Variants in AFF2 observed in about 807,000 individuals in gnomAD.
AFF2 encodes the protein ALF transcription elongation factor 2, also known as AF4/FMR2 family member 2.
In AFF2, 14 loss-of-function variants were observed where a neutral mutation model predicts 76.9. The observed-to-expected ratio is 0.18, with a 90% confidence interval of 0.12 to 0.28. The LOEUF (loss-of-function observed/expected upper bound fraction) is 0.28, where lower values mean the gene tolerates loss of function less well. Among genes scored for constraint, AFF2 ranks in the 10% least tolerant of loss-of-function variants. The probability of loss-of-function intolerance (pLI) is 1.00; values close to 1 mark genes in which losing one functional copy is unlikely to be tolerated. For missense variants in AFF2, 868 were observed against 1,001.1 expected (o/e 0.87, Z 1.79); for synonymous variants, 398 against 366.7 (o/e 1.09, Z -0.98).
intron 9 of AFF2, among the ~76,000 whole-genome samples, chrX:148,913,472 C>T (rs1557282189): frequency 8.9e-6 from 1 of 111,938 alleles, no homozygotes; most frequent in African/African-American, 3.2e-5. Context: ...TTCAAAACTT[C>T]AAACACGTTA....
intron 3 of AFF2, among the ~76,000 whole-genome samples, chrX:148,760,180 G>A (rs2069423298): frequency 8.9e-6 from 1 of 111,737 alleles, no homozygotes; most frequent in African/African-American, 3.3e-5. Flanking sequence ...CATCAGATTG[G>A]AAAAATAATT....
chrX:148,865,052 A>C (rs1414079638), intron 7 of AFF2, among the ~76,000 whole-genome samples: 1 of 112,392 alleles, frequency 8.9e-6, no homozygotes, highest in Non-Finnish European at 1.9e-5. Flanking sequence ...AAGACTCATG[A>C]CATTTCACTG....
chrX:148,966,419 T>A (rs7052654), intron 13 of AFF2, among the ~76,000 whole-genome samples: 2 of 109,083 alleles, frequency 1.8e-5, no homozygotes, highest in African/African-American at 3.3e-5. Context: ...TCTCCCTCTC[T>A]TTGTCCATGC....
chrX:148,628,306 A>C (rs1200457405), intron 1 of AFF2, among the ~76,000 whole-genome samples: 1 of 111,334 alleles, frequency 9.0e-6, no homozygotes, highest in Non-Finnish European at 1.9e-5. Flanking sequence ...TTTGAATAAA[A>C]TATTAATGTA....
At chrX:148,883,151 T>C (rs782165634) in intron 7 of AFF2, among the ~76,000 whole-genome samples, 1 of 111,592 alleles carries the variant, frequency 9.0e-6, no homozygotes, top group Non-Finnish European at 1.9e-5. Context: ...ACTCTGGATG[T>C]GCTACTTCTA....
intron 3 of AFF2, among the ~76,000 whole-genome samples, chrX:148,684,719 T>C (rs2054583800): frequency 8.9e-6 from 1 of 112,395 alleles, no homozygotes; most frequent in African/African-American, 3.2e-5. Flanking sequence ...AGTATCAATG[T>C]GAAGAATAAG....
chrX:148,758,137 T>A (rs571500221), intron 3 of AFF2, among the ~76,000 whole-genome samples: 1 of 112,441 alleles, frequency 8.9e-6, no homozygotes, highest in African/African-American at 3.2e-5. Context: ...TGTATTGTAT[T>A]TGAGCAAAAG....
intron 15 of AFF2, among the ~76,000 whole-genome samples, chrX:148,971,747 C>CTTTTTTTTTTTTTTTTTTTA (rs2072257378): frequency 3.3e-3 from 146 of 44,642 alleles, no homozygotes; most frequent in East Asian, 4.3e-3. Context: ...TTTTCTATTT[C>CTTTTTTTTTTTTTTTTTTTA]TTTTTTTTTT....
intron 1 of AFF2, among the ~76,000 whole-genome samples, chrX:148,558,659 T>C (rs896450759): frequency 1.8e-5 from 2 of 111,827 alleles, no homozygotes; most frequent in Non-Finnish European, 1.9e-5. Context: ...GTAATAACAC[T>C]GTAATGTAAA....
intron 1 of AFF2, chrX:148,547,124 T>C (rs1557238262): frequency 2.7e-5 from 3 of 111,098 alleles, no homozygotes; most frequent in African/African-American, 9.8e-5. Flanking sequence ...TCAAAGAAAG[T>C]ACTACTCCTT....
intron 3 of AFF2, among the ~76,000 whole-genome samples, chrX:148,703,923 T>G (rs1363585022): frequency 2.7e-5 from 3 of 109,393 alleles, no homozygotes; most frequent in African/African-American, 1.0e-4. Context: ...AGGATCTTGC[T>G]CTGTTGCCCA....
intron 8 of AFF2, among the ~76,000 whole-genome samples, chrX:148,898,573 T>C (rs782433745): frequency 8.9e-6 from 1 of 111,989 alleles, no homozygotes; most frequent in South Asian, 3.8e-4. Context: ...CTGTGAATGC[T>C]GCTCCAGACT....
intron 9 of AFF2, among the ~76,000 whole-genome samples, chrX:148,920,453 C>T (rs1400250449): frequency 1.8e-5 from 2 of 111,688 alleles, no homozygotes; most frequent in Non-Finnish European, 3.8e-5. Context: ...AGGTAAAGTA[C>T]TCAGATGGTA....
intron 1 of AFF2, among the ~76,000 whole-genome samples, chrX:148,651,149 G>A (rs1478819882): frequency 8.9e-6 from 1 of 112,202 alleles, no homozygotes; most frequent in African/African-American, 3.2e-5. Flanking sequence ...TTCTTAATAA[G>A]GAAGCATTCC....
At chrX:148,619,102 T>A (rs2124415590) in intron 1 of AFF2, among the ~76,000 whole-genome samples, 1 of 111,794 alleles carries the variant, frequency 8.9e-6, no homozygotes, top group South Asian at 3.7e-4. Context: ...CTATGACCTA[T>A]TATTCATCTT....
In AFF2 at chrX:148,857,159, T is replaced by G. The variant is rs149723429; in HGVS notation, c.1262+13726T>G. 3.9e-3 allele frequency among the ~76,000 whole-genome samples: 441 copies of G among 112,080 alleles called. 2 individuals are homozygous for G. The highest frequency in any genetic ancestry group is 0.014 in the African/African-American group (424 of 30,903). On this transcript the variant is annotated intron_variant, in intron 7 of 20. Transcript: ENST00000370460. ...TACACTGTATATCAAAATATATAAG[T>G]GCATAGTTGTAACAGTGGCTTAGTA...
At chrX:148,637,515 T>C (rs899917971) in intron 1 of AFF2, among the ~76,000 whole-genome samples, 6 of 112,296 alleles carry the variant, frequency 5.3e-5, no homozygotes, top group African/African-American at 1.9e-4. Flanking sequence ...TTTCTACTTT[T>C]AGGCTAGTGC....
intron 19 of AFF2, among the ~76,000 whole-genome samples, chrX:148,983,623 A>G (rs2072421251): frequency 9.0e-6 from 1 of 111,667 alleles, no homozygotes; most frequent in South Asian, 3.8e-4. Flanking sequence ...CAGTTTTGGC[A>G]CTTACTCCAG....
rs16994880 is a variant in AFF2 at position 148,965,513 on chromosome X, G to T, written c.2914-1277G>T. Among the ~76,000 whole-genome samples the T allele has an allele frequency of 9.4e-3, 1,052 of 111,767 alleles. 15 individuals are homozygous for T. Among genetic ancestry groups the T allele is most frequent in the African/African-American group, 0.033 (1,011 of 30,734 alleles). On this transcript the variant is annotated intron_variant, in intron 13 of 20. Transcript: ENST00000370460. ...CAGTGCCACTAGCCCAGATACTACT[G>T]CAGTTCCCTGTGTAACTGTGCCAAA...
Sources: gnomAD v4.1 joint callset for allele counts (sites outside exome capture counted in the v4.1 genomes callset) on GRCh38, gnomAD v4.1.1 for gene constraint, MANE v1.5 for transcripts, NCBI Gene and HGNC (gene_info 2026-07-23, HGNC 2026-07-21) for gene names.